Variants in MECOM observed in about 807,000 individuals in gnomAD.
MECOM encodes the protein MDS1 and EVI1 complex locus, also known as histone-lysine N-methyltransferase MECOM.
Under a neutral mutation model 116.3 loss-of-function variants are expected in MECOM, and 13 were observed. That is an observed-to-expected ratio of 0.11 (90% confidence interval 0.07 to 0.18). MECOM has a LOEUF of 0.18. Among genes scored for constraint, MECOM ranks in the 10% least tolerant of loss-of-function variants. MECOM has a pLI of 1.00. For missense variants in MECOM, 1,299 were observed against 1,509.0 expected (o/e 0.86, Z 2.31); for synonymous variants, 528 against 535.2 (o/e 0.99, Z 0.19).
chr3:169,312,407 C>T (rs375030654), intron 2 of MECOM, among the ~76,000 whole-genome samples: 3 of 130,190 alleles, frequency 2.3e-5, no homozygotes, highest in East Asian at 4.5e-4. Context: ...CTCACTCTGT[C>T]GCCCAGGCTG....
intron 2 of MECOM, among the ~76,000 whole-genome samples, chr3:169,287,216 G>A (rs1352637457): frequency 6.6e-6 from 1 of 152,162 alleles, no homozygotes; most frequent in Non-Finnish European, 1.5e-5. Flanking sequence ...AAGGCCTCCA[G>A]GAAACACGGA....
intron 1 of MECOM, among the ~76,000 whole-genome samples, chr3:169,485,261 C>G (rs1203086509): frequency 6.6e-6 from 1 of 152,116 alleles, no homozygotes; most frequent in African/African-American, 2.4e-5. Context: ...TCCCAAAGTG[C>G]TAGGATTACA....
intron 2 of MECOM, among the ~76,000 whole-genome samples, chr3:169,211,345 C>T (rs1036435689): frequency 6.6e-6 from 1 of 152,040 alleles, no homozygotes; most frequent in Non-Finnish European, 1.5e-5. Flanking sequence ...ATTAAACACA[C>T]AAACAAAAAC....
chr3:169,255,449 C>T (rs749260178), intron 2 of MECOM, among the ~76,000 whole-genome samples: 3 of 151,358 alleles, frequency 2.0e-5, no homozygotes, highest in African/African-American at 7.3e-5. Flanking sequence ...CATAGGTAAA[C>T]GTAGATTATT....
chr3:169,640,944 C>T (rs997253449), intron 1 of MECOM, among the ~76,000 whole-genome samples: 1 of 152,204 alleles, frequency 6.6e-6, no homozygotes, highest in Non-Finnish European at 1.5e-5. Flanking sequence ...GGATAAGGGT[C>T]AATGCATTCT....
chr3:169,180,263 T>C (rs1324299508), intron 2 of MECOM, among the ~76,000 whole-genome samples: 1 of 152,178 alleles, frequency 6.6e-6, no homozygotes, highest in Non-Finnish European at 1.5e-5. Context: ...GTTCACATTT[T>C]TGATTTATCG....
At chr3:169,650,311 T>C (rs2110079101) in intron 1 of MECOM, among the ~76,000 whole-genome samples, 1 of 152,332 alleles carries the variant, frequency 6.6e-6, no homozygotes, top group East Asian at 1.9e-4. Context: ...AAAAAAGTTT[T>C]GGTGGGTCTA....
At chr3:169,104,652 A>G (rs1185169023) in intron 10 of MECOM, among the ~76,000 whole-genome samples, 2 of 152,220 alleles carry the variant, frequency 1.3e-5, no homozygotes, top group African/African-American at 2.4e-5. Flanking sequence ...CTCCTGCAAC[A>G]AAACATCTCA....
At chr3:169,470,253 G>C (rs1448820779) in intron 1 of MECOM, 7 of 152,128 alleles carry the variant, frequency 4.6e-5, no homozygotes, top group Non-Finnish European at 8.8e-5. Context: ...ATAGCCATAA[G>C]AAAAGGCCAG....
At chr3:169,288,663 G>C (rs1014257561) in intron 2 of MECOM, among the ~76,000 whole-genome samples, 8 of 152,236 alleles carry the variant, frequency 5.3e-5, no homozygotes, top group Middle Eastern at 3.4e-3. Flanking sequence ...TTTTGTTGTT[G>C]TCTCATGTAA....
At chr3:169,307,976 T>C (rs1340708427) in intron 2 of MECOM, among the ~76,000 whole-genome samples, 1 of 152,218 alleles carries the variant, frequency 6.6e-6, no homozygotes, top group African/African-American at 2.4e-5. Flanking sequence ...AACCAAATTA[T>C]TTCCTGATTC....
At chr3:169,338,580 G>A (rs1170135233) in intron 2 of MECOM, among the ~76,000 whole-genome samples, 1 of 149,070 alleles carries the variant, frequency 6.7e-6, no homozygotes, top group Admixed American at 6.8e-5. Flanking sequence ...TAGGTATTTA[G>A]GAAATGTATT....
chr3:169,149,781 T>G (rs1200774851), intron 2 of MECOM: 1 of 431,812 alleles, frequency 2.3e-6, no homozygotes. Context: ...ATTCATTGCA[T>G]CATCATTATT....
intron 2 of MECOM, among the ~76,000 whole-genome samples, chr3:169,201,158 C>T (rs1225862930): frequency 1.3e-5 from 2 of 152,088 alleles, no homozygotes; most frequent in South Asian, 4.1e-4. Context: ...AACATGTTTA[C>T]TTAATGCACT....
chr3:169,285,464 T>C lies in MECOM; in HGVS notation c.375+95723A>G, dbSNP rs58888454. On this transcript the variant is annotated intron_variant, in intron 2 of 16. Coordinates refer to ENST00000651503, the MANE Select transcript of MECOM (RefSeq NM_004991.4). Reference sequence around the variant, plus strand: ...GATAAGAAGCTGACTTAGAACTACATAGAGTTTCACATTCAAACAAATGGT... The same window carrying C: ...GATAAGAAGCTGACTTAGAACTACACAGAGTTTCACATTCAAACAAATGGT... 7.1e-3 allele frequency among the ~76,000 whole-genome samples: 1,077 copies of C among 152,296 alleles called. 33 individuals carry two copies. Among genetic ancestry groups the C allele is most frequent in the East Asian group, 0.061 (316 of 5,178 alleles).
chr3:169,173,023 A>C (rs1156341094), intron 2 of MECOM, among the ~76,000 whole-genome samples: 1 of 152,148 alleles, frequency 6.6e-6, no homozygotes, highest in African/African-American at 2.4e-5. Flanking sequence ...TCCATAGTTT[A>C]CTCTAAGAAA....
chr3:169,127,906 G>C lies in MECOM; in HGVS notation c.768C>G (p.Leu256=), dbSNP rs1733434102. 1.9e-6 allele frequency: 3 copies of C among 1,613,934 alleles called. No individual in the cohort carries two copies. The highest frequency in any genetic ancestry group is 2.7e-5 in the African/African-American group (2 of 74,924). The change falls in exon 5 of 17, where the codon CTC becomes CTG. Residue 256 remains leucine, a synonymous_variant. Coordinates refer to ENST00000651503, the MANE Select transcript of MECOM (RefSeq NM_004991.4). ...FQQKLESEND[L]QEIHTIQECK... ...ACTCCTGGATCGTGTGTATCTCTTG[G>C]AGATCATTCTCGCTTTCGAGTTTTT...
At chr3:169,109,838 T>C (rs976970941) in intron 9 of MECOM, among the ~76,000 whole-genome samples, 1 of 152,210 alleles carries the variant, frequency 6.6e-6, no homozygotes, top group African/African-American at 2.4e-5. Flanking sequence ...CACTTATCAC[T>C]GATTAGGAAT....
At chr3:169,454,859 C>A (rs371181542) in intron 1 of MECOM, among the ~76,000 whole-genome samples, 1 of 152,134 alleles carries the variant, frequency 6.6e-6, no homozygotes, top group Non-Finnish European at 1.5e-5. Context: ...AAGCCTGACA[C>A]GCCTCATACA....
Sources: allele counts gnomAD v4.1 joint callset (sites outside exome capture counted in the v4.1 genomes callset), GRCh38; gene constraint gnomAD v4.1.1; transcripts MANE v1.5; gene names NCBI Gene and HGNC (gene_info 2026-07-23, HGNC 2026-07-21).